The following FCRL5 variants were observed in gnomAD, a reference collection of about 807,000 sequenced individuals.
FCRL5 encodes the protein Fc receptor like 5.
In FCRL5, 79 loss-of-function variants were observed where a neutral mutation model predicts 92.1. That is an observed-to-expected ratio of 0.86 (90% CI 0.72 to 1.03). FCRL5 has a LOEUF of 1.03. Among genes scored for constraint, FCRL5 ranks in the 50% least tolerant of loss-of-function variants. The pLI is 0.00. For missense variants in FCRL5, 1,160 were observed against 1,181.1 expected, an observed-to-expected ratio of 0.98 and a Z score of 0.26; for synonymous variants, 466 against 469.3, an observed-to-expected ratio of 0.99 and a Z score of 0.09.
At chr1:157,549,498 A>G (rs1454312261) in intron 2 of FCRL5, 62 bp downstream of exon 2, 6 of 1,480,460 alleles carry the variant, frequency 4.1e-6, no homozygotes, top group Admixed American at 2.0e-5. Context: ...AATGTTTTCT[A>G]TTTATTAGGA....
chr1:157,527,776 A>G lies in FCRL5; in HGVS notation c.1801T>C (p.Tyr601His). Residue 601 changes from tyrosine to histidine, a missense_variant, in exon 9 of 17, where the codon TAT (tyrosine) becomes CAT (histidine). Transcript: ENST00000361835. ...CTCCCCAGGGTGACATCCTCATGAT[A>G]AAACCAGTACAGGATTGGGGGAGAG... Reference protein sequence around the residue: ...RGSPPILYWFYHEDVTLGSSS... With the variant: ...RGSPPILYWFHHEDVTLGSSS... The G allele has an allele frequency of 6.2e-7, 1 of 1,614,204 alleles. No homozygotes were observed. The highest frequency in any genetic ancestry group is 8.5e-7 in the Non-Finnish European group (1 of 1,180,020).
At chr1:157,542,817 T>G in intron 6 of FCRL5, 42 bp downstream of exon 6, 1 of 1,588,372 alleles carries the variant, frequency 6.3e-7, no homozygotes, top group Non-Finnish European at 8.6e-7. Context: ...GAGGCAGGAC[T>G]CTTGGCCAGG....
rs752950185 is a variant in FCRL5, at chr1:157,534,732, A to T, written c.1563T>A (p.Ser521=). 6.2e-7 allele frequency: 1 copy of T among 1,614,130 alleles called. No homozygotes were observed. The highest frequency in any genetic ancestry group is 8.5e-7 in the Non-Finnish European group (1 of 1,180,016). The change falls in exon 8 of 17, where the codon TCT becomes TCA. Residue 521 remains serine, a synonymous_variant. Transcript: ENST00000361835. ...DMPLWSSSTP[S]VGRVSFSFSL... ...AGAAGCTGAAGGACACTCTTCCCAC[A>T]GAGGGTGTTGAGCTGCTCCACAGGG... is the stretch of plus-strand genomic sequence containing the variant.
At chr1:157,518,092 G>A (rs1194625062) in intron 15 of FCRL5, among the ~76,000 whole-genome samples, 1 of 152,170 alleles carries the variant, frequency 6.6e-6, no homozygotes, top group Non-Finnish European at 1.5e-5. Flanking sequence ...CTAGTTTATG[G>A]TACTCTGTTA....
At position 157,542,981 on chromosome 1, in the gene FCRL5, CG is replaced by C; in HGVS notation, c.1000del (p.Arg334AlafsTer12). The C allele has an allele frequency of 1.2e-6, 2 of 1,614,222 alleles. No individual in the cohort carries two copies. Reference sequence around the variant, plus strand: ...GCTGATGGATGCTCCCCTTTCACAGCGGACTGACTTGTGCCTCAGGGGGACA... The same window carrying C: ...GCTGATGGATGCTCCCCTTTCACAGCGACTGACTTGTGCCTCAGGGGGACA... ...EGVPLRHKSV[R>X]CERGASISFS... is the part of the protein sequence containing the mutation. On this transcript the variant is annotated frameshift_variant, in exon 6 of 17. Transcript: ENST00000361835. LOFTEE classifies it high-confidence loss of function.
At chr1:157,549,277 G>A (rs1420456747) in intron 2 of FCRL5, among the ~76,000 whole-genome samples, 2 of 116,276 alleles carry the variant, frequency 1.7e-5, no homozygotes, top group East Asian at 3.1e-4. Flanking sequence ...ACACTCCAGG[G>A]CCTGTTGTGG....
At chr1:157,538,407 C>G (rs1386701248) in intron 7 of FCRL5, among the ~76,000 whole-genome samples, 4 of 152,216 alleles carry the variant, frequency 2.6e-5, no homozygotes, top group African/African-American at 9.6e-5. Flanking sequence ...CATTTAGCCA[C>G]ACATGGATGG....
At chr1:157,545,807 C>T (rs1187720953) in intron 3 of FCRL5, among the ~76,000 whole-genome samples, 1 of 152,126 alleles carries the variant, frequency 6.6e-6, no homozygotes, top group Non-Finnish European at 1.5e-5. Context: ...GGATTACAGG[C>T]GTAAGCCACC....
chr1:157,533,420 A>G (rs1650788362), intron 8 of FCRL5: 1 of 152,228 alleles, frequency 6.6e-6, no homozygotes, highest in South Asian at 2.1e-4. Context: ...AAAGATATCC[A>G]ATCTATTCTT....
At position 157,519,784 on chromosome 1, in the gene FCRL5, C is replaced by A; in HGVS notation, c.2633-14G>T. ...CAGGCTTTCTCCCTGTAAAGGAAAG[C>A]AGAGGAGCATTGGATTCAGGAAGAT... On this transcript the variant is annotated splice_polypyrimidine_tract_variant and intron_variant, in intron 12 of 16. Coordinates refer to ENST00000361835, the MANE Select transcript of FCRL5 (RefSeq NM_031281.3). 1 of 1,613,914 alleles carries A rather than the reference C, an allele frequency of 6.2e-7. No homozygotes were observed. The highest frequency in any genetic ancestry group is 8.5e-7 in the Non-Finnish European group (1 of 1,179,952).
chr1:157,519,237 G>T (rs1324709913), intron 13 of FCRL5, among the ~76,000 whole-genome samples: 2 of 152,188 alleles, frequency 1.3e-5, no homozygotes, highest in Non-Finnish European at 2.9e-5. Flanking sequence ...GTGAGCCTTT[G>T]TGTGGCTCCT....
At chr1:157,523,365 A>C (rs1205676957) in intron 10 of FCRL5, among the ~76,000 whole-genome samples, 1 of 152,222 alleles carries the variant, frequency 6.6e-6, no homozygotes, top group African/African-American at 2.4e-5. Context: ...TACCAAAATC[A>C]TAGAATTCTA....
chr1:157,521,276 C>G lies in FCRL5; in HGVS notation c.2256G>C (p.Pro752=), dbSNP rs74858059. Residue 752 remains proline (P), a synonymous_variant, in exon 11 of 17, where the codon CCG becomes CCC. Transcript: ENST00000361835. ...TLKVAVPVSR[P]VLTLRAPGTH... ...TCCCGGGAGCCCTGAGGGTGAGGACCGGGCGAGACACCGGAACTGAAAGAG... is the reference window on the plus strand; with the variant it reads ...TCCCGGGAGCCCTGAGGGTGAGGACGGGGCGAGACACCGGAACTGAAAGAG... The G allele has an allele frequency of 3.2e-3, 5,196 of 1,609,076 alleles. 137 individuals are homozygous for G. In the African/African-American group the frequency reaches 0.057, roughly 18 times the overall value.
intron 1 of FCRL5, among the ~76,000 whole-genome samples, chr1:157,551,320 T>C (rs1651801796): frequency 6.6e-6 from 1 of 152,210 alleles, no homozygotes; most frequent in Non-Finnish European, 1.5e-5. Context: ...CACACTGAGA[T>C]GTATTCCTAC....
At chr1:157,526,198 A>G (rs145430387) in intron 9 of FCRL5, among the ~76,000 whole-genome samples, 1 of 152,344 alleles carries the variant, frequency 6.6e-6, no homozygotes, top group East Asian at 1.9e-4. Context: ...GGGTTTCAAG[A>G]AGGAAGAAAT....
chr1:157,546,071 TTTATCTACCTATGCA>T, intron 3 of FCRL5: 1 of 211,594 alleles, frequency 4.7e-6, no homozygotes, highest in South Asian at 6.0e-5. Context: ...TCTCTGTATA[TTTATCTACCTATGCA>T]TTATCTACCC....
intron 6 of FCRL5, among the ~76,000 whole-genome samples, chr1:157,540,336 C>A (rs1651198499): frequency 1.3e-5 from 2 of 152,218 alleles, no homozygotes; most frequent in Admixed American, 6.5e-5. Flanking sequence ...GAACCACACC[C>A]TTACCTGCAT....
rs1330608211 is a variant in FCRL5, at chr1:157,544,535, G to A, written c.571C>T (p.Arg191Cys). The A allele has an allele frequency of 2.5e-6, 4 of 1,613,778 alleles. No homozygotes were observed. The highest frequency in any genetic ancestry group is 3.4e-6 in the Non-Finnish European group (4 of 1,179,964). ...AAGGAGCTGGCTCTCAGCACTGGAC[G>A]TGTAAATGGCTCTAGAGAGAAGAAT... is the stretch of plus-strand genomic sequence containing the variant. ...VKIQVQEPFT[R>C]PVLRASSFQP... Residue 191 changes from arginine to cysteine, a missense_variant, in exon 5 of 17, where the codon CGT becomes TGT. Physicochemically the swap from Arg to Cys is radical, Grantham distance 180. Coordinates refer to ENST00000361835, the MANE Select transcript of FCRL5 (RefSeq NM_031281.3).
Position 157,521,135 on chromosome 1 carries a change from G to A in FCRL5, c.2397C>T (p.Pro799=), listed in dbSNP as rs544543420. The A allele has an allele frequency of 5.0e-6, 8 of 1,614,176 alleles. No homozygotes were observed. The African/African-American group carries it at 5.3e-5, about 11-fold the overall frequency. The part of the protein sequence containing the change: ...EDVTLGNRSS[P]SGGASLNLSL... ...AGAGGTTTAAGGACGCTCCTCCAGA[G>A]GGGGACGACCTATTTCCTAGGGTGA... The change falls in exon 11 of 17, where the codon CCC becomes CCT. Residue 799 remains proline, a synonymous_variant. Coordinates refer to ENST00000361835, the MANE Select transcript of FCRL5 (RefSeq NM_031281.3).
Sources: allele counts gnomAD v4.1 joint callset (sites outside exome capture counted in the v4.1 genomes callset), GRCh38; gene constraint gnomAD v4.1.1; transcripts MANE v1.5; gene names NCBI Gene and HGNC (gene_info 2026-07-23, HGNC 2026-07-21).